Variants in WDPCP observed in about 807,000 individuals in gnomAD.
WDPCP encodes WD repeat-containing and planar cell polarity effector protein fritz homolog.
WDPCP carries 71 observed loss-of-function variants against 93.1 expected under a neutral mutation model. The observed-to-expected ratio is 0.76, with a 90% CI of 0.63 to 0.93. The LOEUF (loss-of-function observed/expected upper bound fraction) is 0.93. Among genes scored for constraint, WDPCP ranks in the 40% least tolerant of loss-of-function variants. WDPCP has a pLI of 0.00. For synonymous variants in WDPCP, 315 were observed against 315.0 expected (o/e 1.00, Z 0.00); for missense variants, 844 against 887.4 (o/e 0.95, Z 0.62).
intron 6 of WDPCP, among the ~76,000 whole-genome samples, chr2:63,450,073 C>A (rs1160858582): frequency 6.6e-6 from 1 of 152,168 alleles, no homozygotes; most frequent in South Asian, 2.1e-4. Flanking sequence ...CCAGAGCTCC[C>A]TATCTAGGGA....
intron 14 of WDPCP, among the ~76,000 whole-genome samples, chr2:63,245,344 T>C (rs1680188956): frequency 6.6e-6 from 1 of 152,182 alleles, no homozygotes; most frequent in African/African-American, 2.4e-5. Context: ...AAATAGTCTA[T>C]ATTAAATAAT....
At chr2:63,260,602 T>G (rs1681541785) in intron 13 of WDPCP, among the ~76,000 whole-genome samples, 1 of 152,194 alleles carries the variant, frequency 6.6e-6, no homozygotes, top group East Asian at 1.9e-4. Flanking sequence ...CAGGCTGGAG[T>G]GCAGTGGCAT....
chr2:63,156,687 G>A (rs567142680), intron 15 of WDPCP, among the ~76,000 whole-genome samples: 2 of 152,290 alleles, frequency 1.3e-5, no homozygotes, highest in Admixed American at 6.5e-5. Flanking sequence ...GCAGTGAGCC[G>A]AGGTCGTGCC....
chr2:63,501,909 C>G (rs1316036795), intron 1 of WDPCP, among the ~76,000 whole-genome samples: 1 of 152,186 alleles, frequency 6.6e-6, no homozygotes, highest in Non-Finnish European at 1.5e-5. Flanking sequence ...AGCCACCGTG[C>G]CTGACTGGTC....
intron 13 of WDPCP, among the ~76,000 whole-genome samples, chr2:63,283,701 A>T (rs931420975): frequency 7.2e-5 from 11 of 152,224 alleles, no homozygotes; most frequent in Non-Finnish European, 1.5e-5. Context: ...AAATCTAAAA[A>T]TCCAAAATGC....
At chr2:63,532,114 G>T (rs962524925) in intron 1 of WDPCP, among the ~76,000 whole-genome samples, 4 of 152,134 alleles carry the variant, frequency 2.6e-5, no homozygotes, top group African/African-American at 4.8e-5. Context: ...GGGGATCAGG[G>T]ACTGAAGATC....
At position 63,317,839 on chromosome 2, in the gene WDPCP, A is replaced by G. The variant is rs72894365; in HGVS notation, c.1749-4528T>C. Among the ~76,000 whole-genome samples the G allele has an allele frequency of 4.9e-3, 749 of 152,248 alleles. 6 individuals are homozygous for G. The highest frequency in any genetic ancestry group is 0.017 in the African/African-American group (715 of 41,576). Reference sequence around the variant, plus strand: ...AGAAGAAAACCTAGGAAATATCATTATGGACATAGGCCCTGGCAAAGATGT... The same window carrying G: ...AGAAGAAAACCTAGGAAATATCATTGTGGACATAGGCCCTGGCAAAGATGT... On this transcript the variant is annotated intron_variant, in intron 12 of 17. Coordinates refer to ENST00000272321, the MANE Select transcript of WDPCP (RefSeq NM_015910.7).
At chr2:63,739,647 T>C (rs1397653058) in intron 2 of WDPCP, among the ~76,000 whole-genome samples, 1 of 151,932 alleles carries the variant, frequency 6.6e-6, no homozygotes, top group African/African-American at 2.4e-5. Flanking sequence ...TGGAAAGCAG[T>C]GTGGTGATTC....
At chr2:63,324,084 C>A (rs1295379476) in intron 12 of WDPCP, among the ~76,000 whole-genome samples, 1 of 152,076 alleles carries the variant, frequency 6.6e-6, no homozygotes, top group African/African-American at 2.4e-5. Context: ...TACAGCCTGG[C>A]CCCAATATTC....
intron 6 of WDPCP, among the ~76,000 whole-genome samples, chr2:63,471,205 C>T (rs970718029): frequency 1.3e-5 from 2 of 152,222 alleles, no homozygotes; most frequent in Non-Finnish European, 2.9e-5. Flanking sequence ...CTGCTATCCC[C>T]AGCACATAGA....
At chr2:63,362,283 G>GTGTGTGTGTGTC (rs1690542452) in intron 12 of WDPCP, among the ~76,000 whole-genome samples, 6 of 141,904 alleles carry the variant, frequency 4.2e-5, no homozygotes, top group Non-Finnish European at 9.1e-5. Flanking sequence ...TTGGTTGTGT[G>GTGTGTGTGTGTC]TGTGTGTGTG....
At chr2:63,454,549 G>C (rs998150633) in intron 6 of WDPCP, among the ~76,000 whole-genome samples, 3 of 151,952 alleles carry the variant, frequency 2.0e-5, no homozygotes, top group African/African-American at 4.8e-5. Context: ...AATGAGCAAA[G>C]TCTCTGTGAT....
intron 10 of WDPCP, among the ~76,000 whole-genome samples, chr2:63,396,888 T>G (rs560050272): frequency 6.6e-6 from 1 of 152,304 alleles, no homozygotes; most frequent in African/African-American, 2.4e-5. Flanking sequence ...AGCATTTAGC[T>G]CCCACTTATA....
chr2:63,244,838 G>A (rs17027692), intron 14 of WDPCP, among the ~76,000 whole-genome samples: 4 of 152,098 alleles, frequency 2.6e-5, no homozygotes, highest in East Asian at 1.9e-4. Flanking sequence ...GATGGGTGTC[G>A]GTCAGTTATC....
At chr2:63,130,165 G>T (rs1670198376) in intron 17 of WDPCP, among the ~76,000 whole-genome samples, 1 of 151,880 alleles carries the variant, frequency 6.6e-6, no homozygotes, top group African/African-American at 2.4e-5. Flanking sequence ...CTGTACTTTT[G>T]GTGTCTTACC....
intron 1 of WDPCP, among the ~76,000 whole-genome samples, chr2:63,531,734 T>C (rs929882227): frequency 2.6e-5 from 4 of 152,148 alleles, no homozygotes; most frequent in African/African-American, 9.6e-5. Context: ...CAAAGGTAGA[T>C]AAAACCACAA....
chr2:63,455,025 C>T (rs1698525720), intron 6 of WDPCP, among the ~76,000 whole-genome samples: 1 of 152,110 alleles, frequency 6.6e-6, no homozygotes, highest in Non-Finnish European at 1.5e-5. Flanking sequence ...CACTACTAGA[C>T]CTGCCTTACA....
At chr2:63,179,206 A>G (rs369907648) in intron 14 of WDPCP, among the ~76,000 whole-genome samples, 2,269 of 68,338 alleles carry the variant, frequency 0.033, 33 homozygotes, top group Non-Finnish European at 0.052. Flanking sequence ...TCTCGGGGGG[A>G]AAAAAAAAAA....
chr2:63,806,551 CT>C (rs1019995375), intron 2 of WDPCP, among the ~76,000 whole-genome samples: 3 of 152,170 alleles, frequency 2.0e-5, no homozygotes, highest in Admixed American at 6.5e-5. Flanking sequence ...ATCAACCGGT[CT>C]GACCAAAATT....
Sources: gnomAD v4.1 joint callset for allele counts (sites outside exome capture counted in the v4.1 genomes callset) on GRCh38, gnomAD v4.1.1 for gene constraint, MANE v1.5 for transcripts, NCBI Gene and HGNC (gene_info 2026-07-23, HGNC 2026-07-21) for gene names.